TAS1R2: variants seen among roughly 807,000 people sequenced by gnomAD.
The protein encoded by TAS1R2 is taste 1 receptor member 2.
Under a neutral mutation model 49.3 loss-of-function variants are expected in TAS1R2, and 47 were observed. That is an observed-to-expected ratio of 0.95 (90% confidence interval 0.75 to 1.22). The LOEUF (loss-of-function observed/expected upper bound fraction) is 1.22, where lower values mean the gene tolerates loss of function less well. Among genes scored for constraint, TAS1R2 ranks in the 50% most tolerant of loss-of-function variants. TAS1R2 has a pLI of 0.00. For synonymous variants in TAS1R2, 479 were observed against 467.9 expected (o/e 1.02, Z -0.31); for missense variants, 1,155 against 1,122.1 (o/e 1.03, Z -0.42).
At position 18,854,168 on chromosome 1, in the gene TAS1R2, G is replaced by A. The variant is rs1218497764; in HGVS notation, c.1257+45C>T. The A allele has an allele frequency of 1.9e-6, 3 of 1,576,368 alleles. No homozygotes were observed. Among genetic ancestry groups the A allele is most frequent in the East Asian group, 2.3e-5 (1 of 44,268 alleles). On this transcript the variant is annotated intron_variant, in intron 3 of 5. Coordinates refer to ENST00000375371, the Ensembl canonical transcript of TAS1R2. This position sits in a 1 kb window ranked among gnomAD's most constrained non-coding sequence, Gnocchi z 4.9. ...CCATTTGCCCAGAACCCCAGGGGAGGAGGATGGAGGTGCCCTGCAGACTCT... is the reference window on the plus strand; with the variant it reads ...CCATTTGCCCAGAACCCCAGGGGAGAAGGATGGAGGTGCCCTGCAGACTCT...
At chr1:18,855,128 A>G in intron 2 of TAS1R2, 142 bp from the exon 3 acceptor site, 1 of 1,026,590 alleles carries the variant, frequency 9.7e-7, no homozygotes, top group Non-Finnish European at 1.4e-6. Context: ...ATCGTCAATC[A>G]TCATGGTCCC....
chr1:18,840,497 T>G (rs769586435), exon 6 of TAS1R2: 9 of 1,614,040 alleles, frequency 5.6e-6, no homozygotes, highest in Non-Finnish European at 7.6e-6. Context: ...GGACCACTCG[T>G]TATTCGGGCA....
At chr1:18,851,864 A>T (rs76627862) in intron 3 of TAS1R2, among the ~76,000 whole-genome samples, 4,025 of 151,544 alleles carry the variant, frequency 0.027, 170 homozygotes, top group African/African-American at 0.085. Flanking sequence ...ACCCCTGGCC[A>T]CTCCCTAGCT....
chr1:18,857,258 G>T, intron 2 of TAS1R2, 73 bp downstream of exon 2: 1 of 1,484,988 alleles, frequency 6.7e-7, no homozygotes, highest in Non-Finnish European at 9.1e-7. Context: ...GGAGGAAGTG[G>T]CTTCTGAGGC....
intron 4 of TAS1R2, among the ~76,000 whole-genome samples, chr1:18,848,502 A>C (rs570249437): frequency 1.3e-5 from 2 of 152,206 alleles, no homozygotes; most frequent in Non-Finnish European, 2.9e-5. Flanking sequence ...GCTATTGATA[A>C]AGCAGAGGTC....
chr1:18,852,431 A>C (rs1244787215), intron 3 of TAS1R2, among the ~76,000 whole-genome samples: 1 of 152,232 alleles, frequency 6.6e-6, no homozygotes, highest in East Asian at 1.9e-4. Context: ...TTGTCTGCAC[A>C]AAAGGGCATC....
In TAS1R2 at chr1:18,854,638, C is replaced by T. The variant is rs1309872341; in HGVS notation, c.832G>A (p.Asp278Asn). 4.3e-6 allele frequency: 7 copies of T among 1,613,924 alleles called. No homozygotes were observed. Among genetic ancestry groups the T allele is most frequent in the South Asian group, 1.1e-5 (1 of 91,070 alleles). Reference sequence around the variant, plus strand: ...TTGAAGAAGTGGTACAGGGTCAGGTCGGGCGAGAACACGACCACGACGCGC... The same window carrying T: ...TTGAAGAAGTGGTACAGGGTCAGGTTGGGCGAGAACACGACCACGACGCGC... The change falls in exon 3 of 6, where the codon GAC (aspartate) becomes AAC (asparagine). Residue 278 changes from aspartate (D) to asparagine (N), a missense_variant. Coordinates refer to ENST00000375371, the Ensembl canonical transcript of TAS1R2. This position sits in a 1 kb window ranked among gnomAD's most constrained non-coding sequence, Gnocchi z 4.9.
At position 18,854,816 on chromosome 1, in the gene TAS1R2, G is replaced by T; in HGVS notation, c.654C>A (p.Asp218Glu). 1 of 1,607,004 alleles carries T rather than the reference G, an allele frequency of 6.2e-7. No homozygotes were observed. The highest frequency in any genetic ancestry group is 8.5e-7 in the Non-Finnish European group (1 of 1,179,164). Residue 218 changes from aspartate to glutamate, a missense_variant, in exon 3 of 6, where the codon GAC (aspartate) becomes GAA (glutamate). By Grantham distance (45) the Asp-to-Glu change is conservative. Coordinates refer to ENST00000375371, the Ensembl canonical transcript of TAS1R2. This position sits in a 1 kb window ranked among gnomAD's most constrained non-coding sequence, Gnocchi z 4.9. ...CGCGCTCGCCAAGCAGCTGGCCATT[G>T]TCGCGGCCATAGGTGTCGCTGCTCA...
exon 2 of TAS1R2, chr1:18,857,413 C>A: frequency 1.9e-6 from 3 of 1,614,178 alleles, no homozygotes; most frequent in South Asian, 1.1e-5. Flanking sequence ...AGCCACCACA[C>A]GGGAAATGTA....
At chr1:18,851,852 C>G (rs912506400) in intron 3 of TAS1R2, among the ~76,000 whole-genome samples, 2 of 152,188 alleles carry the variant, frequency 1.3e-5, no homozygotes, top group Non-Finnish European at 2.9e-5. Context: ...TCCCTTACCA[C>G]CACCCCTGGC....
chr1:18,841,978 A>AAT, intron 4 of TAS1R2, 126 bp from the exon 5 acceptor site: 1 of 785,894 alleles, frequency 1.3e-6, no homozygotes, highest in Non-Finnish European at 1.7e-6. Context: ...TGGGGTGGAA[A>AAT]CTGTAGAAAA....
Position 18,854,222 on chromosome 1 carries a change from G to T in TAS1R2, c.1248C>A (p.Tyr416Ter), listed in dbSNP as rs1287438830. 1.9e-6 allele frequency: 3 copies of T among 1,613,250 alleles called. No homozygotes were observed. In the East Asian group the frequency reaches 6.7e-5, roughly 36 times the overall value. ...GCAGCCACCCCCTCACCTGCCAGGG[G>T]TAGACCACCCTCTTGGTGCAGGTGC... Residue 416 changes from tyrosine (Y) to a stop codon, truncating the protein, a stop_gained, in exon 3 of 6, where the codon TAC becomes TAA. Coordinates refer to ENST00000375371, the Ensembl canonical transcript of TAS1R2. LOFTEE classifies it high-confidence loss of function. The surrounding 1 kb of genome is among the most constrained non-coding windows in gnomAD (Gnocchi z 4.9).
rs192822676 is a variant in TAS1R2 at position 18,858,076 on chromosome 1, C to T, written c.183-445G>A. Among the ~76,000 whole-genome samples the T allele has an allele frequency of 4.6e-5, 7 of 151,856 alleles. No individual in the cohort carries two copies. In the East Asian group the frequency reaches 7.7e-4, roughly 17 times the overall value. On this transcript the variant is annotated intron_variant, in intron 1 of 5. Coordinates refer to ENST00000375371, the Ensembl canonical transcript of TAS1R2. Reference sequence around the variant, plus strand: ...ACCGTCACCACCATCACTATCAGCACGACCATTATCACAGCCATCATCACC... The same window carrying T: ...ACCGTCACCACCATCACTATCAGCATGACCATTATCACAGCCATCATCACC...
At chr1:18,848,605 G>A (rs929702189) in intron 4 of TAS1R2, among the ~76,000 whole-genome samples, 7 of 152,170 alleles carry the variant, frequency 4.6e-5, no homozygotes, top group Non-Finnish European at 8.8e-5. Flanking sequence ...AGCGAGAGCA[G>A]AGCTTCATCT....
chr1:18,841,595 C>A, intron 5 of TAS1R2, 134 bp downstream of exon 5: 1 of 1,324,296 alleles, frequency 7.6e-7, no homozygotes, highest in East Asian at 2.5e-5. Flanking sequence ...GATCTGGTCC[C>A]TGGCCTTTGG....
At chr1:18,843,924 A>T (rs1933872218) in intron 4 of TAS1R2, among the ~76,000 whole-genome samples, 1 of 152,216 alleles carries the variant, frequency 6.6e-6, no homozygotes, top group Non-Finnish European at 1.5e-5. Flanking sequence ...AATTTCTTAA[A>T]TCAATTATTG....
At chr1:18,845,561 A>G (rs1933903200) in intron 4 of TAS1R2, among the ~76,000 whole-genome samples, 1 of 152,200 alleles carries the variant, frequency 6.6e-6, no homozygotes, top group Admixed American at 6.5e-5. Flanking sequence ...AGCAGACACT[A>G]TAGGGCTCTA....
Position 18,854,389 on chromosome 1 carries a change from G to C in TAS1R2, c.1081C>G (p.Gln361Glu), listed in dbSNP as rs1934087962. 1 of 1,613,972 alleles carries C rather than the reference G, an allele frequency of 6.2e-7. No individual in the cohort carries two copies. The highest frequency in any genetic ancestry group is 1.3e-5 in the African/African-American group (1 of 75,068). Residue 361 changes from glutamine to glutamate, a missense_variant, in exon 3 of 6, where the codon CAG (glutamine) becomes GAG (glutamate). Coordinates refer to ENST00000375371, the Ensembl canonical transcript of TAS1R2. This position sits in a 1 kb window ranked among gnomAD's most constrained non-coding sequence, Gnocchi z 4.9. Reference sequence around the variant, plus strand: ...GCGTTCAGGCAGTTGTCGCACTCCTGGTTGCAGGTATAGCTCTGGCTGGTC... The same window carrying C: ...GCGTTCAGGCAGTTGTCGCACTCCTCGTTGCAGGTATAGCTCTGGCTGGTC...
chr1:18,855,371 G>GCGCTTTCCTCCTCCCCCTCATCACCGT (rs1425313248), intron 2 of TAS1R2, among the ~76,000 whole-genome samples: 2 of 152,114 alleles, frequency 1.3e-5, no homozygotes, highest in Non-Finnish European at 2.9e-5. Context: ...ACTAAGCACA[G>GCGCTTTCCTCCTCCCCCTCATCACCGT]CGCTTTCCTC....
Sources: allele counts gnomAD v4.1 joint callset (sites outside exome capture counted in the v4.1 genomes callset), GRCh38; gene constraint gnomAD v4.1.1; non-coding constraint Gnocchi (gnomAD v3.1); transcripts MANE v1.5; gene names NCBI Gene and HGNC (gene_info 2026-07-23, HGNC 2026-07-21).